C21orf91: variants seen among roughly 807,000 people sequenced by gnomAD.
The protein encoded by C21orf91 is chromosome 21 open reading frame 91.
Under a neutral mutation model 32.9 loss-of-function variants are expected in C21orf91, and 26 were observed. That is an observed-to-expected ratio of 0.79 (90% CI 0.58 to 1.10). The LOEUF (loss-of-function observed/expected upper bound fraction) is 1.10, where lower values mean the gene tolerates loss of function less well. C21orf91 is among the 50% of genes least tolerant of loss of function. The pLI is 0.00. For synonymous variants in C21orf91, 126 were observed against 120.4 expected, an observed-to-expected ratio of 1.05 and a Z score of -0.31; for missense variants, 310 against 341.3, an observed-to-expected ratio of 0.91 and a Z score of 0.72.
At chr21:17,815,135 A>C (rs1169645990) in intron 2 of C21orf91, among the ~76,000 whole-genome samples, 2 of 152,150 alleles carry the variant, frequency 1.3e-5, no homozygotes, top group Admixed American at 6.5e-5. Context: ...ATGCATGCAC[A>C]CAGCTTTTAA....
Position 17,792,302 on chromosome 21 carries a change from G to C in C21orf91, c.*1113C>G, listed in dbSNP as rs2062480863. On this transcript the variant is annotated 3_prime_UTR_variant, in exon 5 of 5. Transcript: ENST00000284881. ...CATAGGTTTATTTTTTTTTAATTAG[G>C]AGTTTTGCTTTTCTTCTGTAGAACA... 6.6e-6 allele frequency: 1 copy of C among 151,874 alleles called. No homozygotes were observed. The highest frequency in any genetic ancestry group is 1.5e-5 in the Non-Finnish European group (1 of 67,962). The allele number at this position is 151,874 out of a possible 1,614,324, so 9.4% of individuals were successfully genotyped here.
At chr21:17,803,591 G>GT (rs1051980013) in intron 2 of C21orf91, among the ~76,000 whole-genome samples, 3 of 152,140 alleles carry the variant, frequency 2.0e-5, no homozygotes, top group Non-Finnish European at 2.9e-5. Context: ...GAGTAAAGGT[G>GT]TTTTTCTTTT....
chr21:17,810,761 A>G (rs1331023732), intron 2 of C21orf91: 1 of 152,224 alleles, frequency 6.6e-6, no homozygotes. Flanking sequence ...ACCAGCAACA[A>G]GACTGTCTTG....
At chr21:17,814,805 A>C (rs2062655105) in intron 2 of C21orf91, among the ~76,000 whole-genome samples, 1 of 152,212 alleles carries the variant, frequency 6.6e-6, no homozygotes, top group South Asian at 2.1e-4. Flanking sequence ...TGCCTAGAAC[A>C]CTGGGGATTA....
chr21:17,802,468 G>A (rs1022749670), intron 2 of C21orf91, among the ~76,000 whole-genome samples: 26 of 152,122 alleles, frequency 1.7e-4, no homozygotes, highest in African/African-American at 4.6e-4. Context: ...TCACAGTGGC[G>A]TGAGCCACTG....
chr21:17,814,466 TAAAG>T (rs1227763142), intron 2 of C21orf91, among the ~76,000 whole-genome samples: 2 of 152,158 alleles, frequency 1.3e-5, no homozygotes, highest in African/African-American at 4.8e-5. Context: ...TGCACTGCTA[TAAAG>T]AAATACCTGA....
At position 17,796,754 on chromosome 21, in the gene C21orf91, C is replaced by G. The variant is rs761370327; in HGVS notation, c.492G>C (p.Gln164His). 17 of 1,614,178 alleles carry G rather than the reference C, an allele frequency of 1.1e-5. No individual in the cohort carries two copies. In the East Asian group the frequency reaches 3.1e-4, roughly 30 times the overall value. Reference sequence around the variant, plus strand: ...AAAGTCCAAAGTCTGTATTTTCCCTCTGCTCCAAAATTCTTTGTGTACAGT... The same window carrying G: ...AAAGTCCAAAGTCTGTATTTTCCCTGTGCTCCAAAATTCTTTGTGTACAGT... Reference protein sequence around the residue: ...ISNCTQRILEQRENTDFGLSM... With the variant: ...ISNCTQRILEHRENTDFGLSM... The change falls in exon 3 of 5, where the codon CAG becomes CAC. Residue 164 changes from glutamine (Q) to histidine (H), a missense_variant. Transcript: ENST00000284881.
In C21orf91 at chr21:17,795,188, G is replaced by A; in HGVS notation, c.727+20C>T. On this transcript the variant is annotated intron_variant, in intron 4 of 4. Transcript: ENST00000284881. ...GTCAAAATTTGTCACACACAAAAAA[G>A]TACTGACAGTGATTCTTACCCTGGA... 1 of 1,558,542 alleles carries A rather than the reference G, an allele frequency of 6.4e-7. No individual in the cohort carries two copies.
intron 2 of C21orf91, among the ~76,000 whole-genome samples, chr21:17,805,658 C>T (rs371684246): frequency 1.7e-4 from 26 of 152,064 alleles, no homozygotes; most frequent in East Asian, 1.4e-3. Flanking sequence ...CACAACAGTA[C>T]GATATAGAAA....
rs1023523968 is a variant in C21orf91 at position 17,790,171 on chromosome 21, C to T, written c.*3244G>A. Reference sequence around the variant, plus strand: ...AACCTGAACCTCCTAATAAGCTACACAAATAATTTACTCTTTAAAAATTCC... The same window carrying T: ...AACCTGAACCTCCTAATAAGCTACATAAATAATTTACTCTTTAAAAATTCC... On this transcript the variant is annotated 3_prime_UTR_variant, in exon 5 of 5. Coordinates refer to ENST00000284881, the MANE Select transcript of C21orf91 (RefSeq NM_001100420.2). 1.6e-4 allele frequency: 25 copies of T among 152,136 alleles called. No individual in the cohort carries two copies. Among genetic ancestry groups the T allele is most frequent in the African/African-American group, 5.5e-4 (23 of 41,544 alleles). 9.4% of individuals were successfully genotyped at this position (152,136 alleles called of 1,614,324 possible). A position where few individuals can be genotyped will look rare whatever the true frequency, so the allele number is the denominator to read the frequency against.
intron 2 of C21orf91, among the ~76,000 whole-genome samples, chr21:17,806,523 G>A (rs17002099): frequency 0.032 from 4,856 of 151,580 alleles, 261 homozygotes; most frequent in African/African-American, 0.11. Context: ...AAAAAAAATG[G>A]AGGAGAGGGT....
At chr21:17,800,611 CT>C (rs1277655759) in intron 2 of C21orf91, among the ~76,000 whole-genome samples, 1 of 152,160 alleles carries the variant, frequency 6.6e-6, no homozygotes, top group African/African-American at 2.4e-5. Context: ...TCCTAAGCAG[CT>C]TTTGAAAGGG....
intron 2 of C21orf91, among the ~76,000 whole-genome samples, chr21:17,798,629 T>A (rs1197505755): frequency 2.0e-5 from 3 of 152,208 alleles, no homozygotes; most frequent in Non-Finnish European, 2.9e-5. Context: ...CGTATACATT[T>A]CTACCAGTTA....
At chr21:17,795,004 C>CAAA (rs56814896) in intron 4 of C21orf91, among the ~76,000 whole-genome samples, 8 of 104,622 alleles carry the variant, frequency 7.6e-5, no homozygotes, top group Non-Finnish European at 1.2e-4. Context: ...GATTCTGTCG[C>CAAA]AAAAAAAAAA....
At chr21:17,814,715 T>G (rs547275998) in intron 2 of C21orf91, among the ~76,000 whole-genome samples, 3 of 152,276 alleles carry the variant, frequency 2.0e-5, no homozygotes, top group African/African-American at 7.2e-5. Flanking sequence ...CTGACTATCA[T>G]GAGAACAGCA....
chr21:17,815,453 A>T (rs2062659163), intron 2 of C21orf91, among the ~76,000 whole-genome samples: 1 of 152,230 alleles, frequency 6.6e-6, no homozygotes, highest in South Asian at 2.1e-4. Flanking sequence ...GTCTATTGAC[A>T]GGCATTGTGT....
chr21:17,806,590 A>C (rs1173855789), intron 2 of C21orf91, among the ~76,000 whole-genome samples: 1 of 152,132 alleles, frequency 6.6e-6, no homozygotes, highest in Admixed American at 6.5e-5. Context: ...TGTAATCCCA[A>C]CACTTTGGGA....
Position 17,797,110 on chromosome 21 carries a change from T to C in C21orf91, c.136A>G (p.Lys46Glu). The C allele has an allele frequency of 2.5e-6, 4 of 1,570,686 alleles. No individual in the cohort carries two copies. Among genetic ancestry groups the C allele is most frequent in the Non-Finnish European group, 3.4e-6 (4 of 1,161,896 alleles). ...GATTTGGTGTGCAAGAGATCAGACT[T>C]TGGTACCCCTATGGAAAAAAAAGAG... is the stretch of plus-strand genomic sequence containing the variant. Reference protein sequence around the residue: ...CFELNIEGVPKSDLLHTKSLR... With the variant: ...CFELNIEGVPESDLLHTKSLR... The change falls in exon 3 of 5, where the codon AAG becomes GAG. Residue 46 changes from lysine to glutamate, a missense_variant. By Grantham distance (56) the Lys-to-Glu change is moderately conservative (BLOSUM62 1). Transcript: ENST00000284881.
intron 2 of C21orf91, among the ~76,000 whole-genome samples, chr21:17,816,283 A>G (rs751146004): frequency 6.6e-6 from 1 of 152,232 alleles, no homozygotes; most frequent in Admixed American, 6.5e-5. Context: ...ACCTAAGGTA[A>G]TATTTGTATA....
Sources: gnomAD v4.1 joint callset for allele counts (sites outside exome capture counted in the v4.1 genomes callset) on GRCh38, gnomAD v4.1.1 for gene constraint, MANE v1.5 for transcripts, NCBI Gene and HGNC (gene_info 2026-07-23, HGNC 2026-07-21) for gene names.